The following PTPRM variants were observed in gnomAD, a reference collection of about 807,000 sequenced individuals.
PTPRM encodes the protein protein tyrosine phosphatase receptor type M.
A neutral mutation model predicts 186.7 loss-of-function variants in PTPRM; 47 were observed. The ratio of observed to expected loss-of-function variants is 0.25; its 90% CI spans 0.20 to 0.32. The LOEUF (loss-of-function observed/expected upper bound fraction) is 0.32. Ranked by LOEUF, PTPRM falls within the 10% of genes least tolerant of loss-of-function variation. The pLI is 1.00. For missense variants in PTPRM, 1,494 were observed against 1,865.0 expected, an observed-to-expected ratio of 0.80 and a Z score of 3.66; for synonymous variants, 668 against 674.9, an observed-to-expected ratio of 0.99 and a Z score of 0.16.
intron 1 of PTPRM, among the ~76,000 whole-genome samples, chr18:7,645,280 G>A (rs1177694185): frequency 6.6e-6 from 1 of 152,112 alleles, no homozygotes; most frequent in East Asian, 1.9e-4. Flanking sequence ...TTTATTAGGG[G>A]AGTAGTTCAG....
At chr18:8,042,087 G>A (rs535969722) in intron 7 of PTPRM, among the ~76,000 whole-genome samples, 1 of 152,282 alleles carries the variant, frequency 6.6e-6, no homozygotes, top group Non-Finnish European at 1.5e-5. Context: ...CTGTAGTCTT[G>A]TTTTGTATCA....
At chr18:7,937,747 A>G (rs1158824356) in intron 5 of PTPRM, among the ~76,000 whole-genome samples, 1 of 152,178 alleles carries the variant, frequency 6.6e-6, no homozygotes, top group Admixed American at 6.5e-5. Context: ...TACTGTCATC[A>G]CCTAAAAGTG....
At chr18:8,151,974 C>T (rs2093018685) in intron 14 of PTPRM, among the ~76,000 whole-genome samples, 1 of 152,174 alleles carries the variant, frequency 6.6e-6, no homozygotes. Context: ...GCTCGCCCTC[C>T]ATGGGCTGCA....
intron 2 of PTPRM, among the ~76,000 whole-genome samples, chr18:7,855,126 C>T (rs1567920839): frequency 6.6e-6 from 1 of 152,128 alleles, no homozygotes; most frequent in African/African-American, 2.4e-5. Flanking sequence ...GTTTTCTTCT[C>T]CTTCTCCCCT....
chr18:8,240,308 TA>T (rs2094400500), intron 14 of PTPRM, among the ~76,000 whole-genome samples: 1 of 151,870 alleles, frequency 6.6e-6, no homozygotes, highest in South Asian at 2.1e-4. Context: ...ATTGTATTTT[TA>T]ATCAATTGAA....
chr18:8,067,367 A>G (rs941392897), intron 7 of PTPRM, among the ~76,000 whole-genome samples: 5 of 151,684 alleles, frequency 3.3e-5, no homozygotes, highest in Non-Finnish European at 5.9e-5. Flanking sequence ...AAAACCTTCA[A>G]TGTTATTTCT....
chr18:7,958,226 A>T (rs1366330339), intron 7 of PTPRM, among the ~76,000 whole-genome samples: 1 of 151,118 alleles, frequency 6.6e-6, no homozygotes, highest in African/African-American at 2.4e-5. Context: ...AAAAAAAAAA[A>T]TCCTAAAATA....
intron 14 of PTPRM, among the ~76,000 whole-genome samples, chr18:8,156,991 GT>G (rs1450080656): frequency 6.6e-6 from 1 of 152,092 alleles, no homozygotes; most frequent in Non-Finnish European, 1.5e-5. Context: ...AGAGAATCTT[GT>G]TAAGTTTTAG....
intron 1 of PTPRM, among the ~76,000 whole-genome samples, chr18:7,740,570 C>T (rs966247848): frequency 1.3e-5 from 2 of 152,100 alleles, no homozygotes; most frequent in Non-Finnish European, 2.9e-5. Context: ...AAGCATGTGC[C>T]GCCGCTCCTG....
At chr18:8,220,891 A>G (rs1484511449) in intron 14 of PTPRM, among the ~76,000 whole-genome samples, 1 of 152,206 alleles carries the variant, frequency 6.6e-6, no homozygotes, top group Non-Finnish European at 1.5e-5. Flanking sequence ...CATCTCCTTT[A>G]TAATCATTCA....
chr18:7,935,244 A>G (rs959664084), intron 5 of PTPRM, among the ~76,000 whole-genome samples: 1 of 152,172 alleles, frequency 6.6e-6, no homozygotes, highest in South Asian at 2.1e-4. Flanking sequence ...TTTAGTTGCT[A>G]TGGGAACCAT....
At chr18:8,081,437 G>A (rs1362016604) in intron 9 of PTPRM, among the ~76,000 whole-genome samples, 3 of 152,150 alleles carry the variant, frequency 2.0e-5, no homozygotes, top group Admixed American at 2.0e-4. Context: ...CTTCAGCCAG[G>A]GACAGAGTAC....
chr18:7,615,571 G>A (rs576341544), intron 1 of PTPRM, among the ~76,000 whole-genome samples: 1 of 152,220 alleles, frequency 6.6e-6, no homozygotes, highest in South Asian at 2.1e-4. Context: ...GTACATGGAA[G>A]CAGCAGAAGG....
intron 1 of PTPRM, among the ~76,000 whole-genome samples, chr18:7,589,706 A>C (rs2037073623): frequency 6.6e-6 from 1 of 152,186 alleles, no homozygotes; most frequent in Admixed American, 6.5e-5. Flanking sequence ...CTGACATAAT[A>C]TAATGTAGAT....
intron 20 of PTPRM, among the ~76,000 whole-genome samples, chr18:8,308,395 A>G (rs1026744910): frequency 6.6e-6 from 1 of 152,236 alleles, no homozygotes; most frequent in Non-Finnish European, 1.5e-5. Context: ...ATAGAAAGAA[A>G]CTATGAAATA....
At chr18:7,658,732 A>G (rs1244913720) in intron 1 of PTPRM, among the ~76,000 whole-genome samples, 1 of 152,222 alleles carries the variant, frequency 6.6e-6, no homozygotes. Context: ...ATGCTGGGAC[A>G]TGAGAATGTG....
At chr18:8,364,487 G>T (rs1014261604) in intron 23 of PTPRM, among the ~76,000 whole-genome samples, 1 of 152,162 alleles carries the variant, frequency 6.6e-6, no homozygotes, top group Non-Finnish European at 1.5e-5. Context: ...TTTTATTCCT[G>T]TGAGACCTCT....
intron 1 of PTPRM, among the ~76,000 whole-genome samples, chr18:7,620,895 AAAT>A (rs1187675220): frequency 6.6e-6 from 1 of 152,146 alleles, no homozygotes; most frequent in African/African-American, 2.4e-5. Context: ...AGCAACAATA[AAAT>A]AATAATAGGC....
At chr18:7,648,901 TTTCAGTGAAGATA>T (rs1359319855) in intron 1 of PTPRM, among the ~76,000 whole-genome samples, 1 of 152,154 alleles carries the variant, frequency 6.6e-6, no homozygotes, top group Non-Finnish European at 1.5e-5. Flanking sequence ...AACAACAGAT[TTTCAGTGAAGATA>T]AATTAGCCTT....
Sources: allele counts gnomAD v4.1 joint callset (sites outside exome capture counted in the v4.1 genomes callset), GRCh38; gene constraint gnomAD v4.1.1; transcripts MANE v1.5; gene names NCBI Gene and HGNC (gene_info 2026-07-23, HGNC 2026-07-21).